The following RGL1 variants were observed in gnomAD, a reference collection of about 807,000 sequenced individuals.
RGL1 encodes ral guanine nucleotide dissociation stimulator-like 1.
A neutral mutation model predicts 95.2 loss-of-function variants in RGL1; 24 were observed. That is an observed-to-expected ratio of 0.25 (90% CI 0.18 to 0.35). The LOEUF is 0.35. RGL1 is among the 10% of genes least tolerant of loss of function. The probability of loss-of-function intolerance (pLI) is 1.00; values close to 1 mark genes in which losing one functional copy is unlikely to be tolerated. For synonymous variants in RGL1, 329 were observed against 344.9 expected, an observed-to-expected ratio of 0.95 and a Z score of 0.51; for missense variants, 715 against 936.3, an observed-to-expected ratio of 0.76 and a Z score of 3.08.
At chr1:183,812,654 C>T (rs928531340) in intron 2 of RGL1, among the ~76,000 whole-genome samples, 57 of 152,210 alleles carry the variant, frequency 3.7e-4, no homozygotes, top group African/African-American at 1.4e-3. Context: ...GAATCAGGGG[C>T]ATTTAAATCA....
In RGL1 at chr1:183,855,139, C is replaced by T. The variant is rs533681047; in HGVS notation, c.347+7365C>T. Among the ~76,000 whole-genome samples, 5 of 152,240 alleles carry T rather than the reference C, an allele frequency of 3.3e-5. No homozygotes were observed. In the South Asian group the frequency reaches 1.0e-3, roughly 32 times the overall value. On this transcript the variant is annotated intron_variant, in intron 3 of 17. Transcript: ENST00000360851. ...TGGTTATCATTATTCATGCCTTTTC[C>T]AAGCAGGTGTTTTGGAAGGTCCAGC... is the stretch of plus-strand genomic sequence containing the variant.
intron 2 of RGL1, among the ~76,000 whole-genome samples, chr1:183,791,693 T>C (rs556857538): frequency 1.3e-5 from 2 of 152,350 alleles, no homozygotes; most frequent in South Asian, 2.1e-4. Flanking sequence ...ATATGCAGCA[T>C]CTTTTGATAA....
intron 3 of RGL1, among the ~76,000 whole-genome samples, chr1:183,863,205 T>C (rs903060106): frequency 6.6e-6 from 1 of 151,970 alleles, no homozygotes; most frequent in Non-Finnish European, 1.5e-5. Context: ...TGGGAGGAGG[T>C]CTCTGCAGAT....
chr1:183,762,016 G>T (rs1303099547), intron 2 of RGL1, among the ~76,000 whole-genome samples: 1 of 152,192 alleles, frequency 6.6e-6, no homozygotes, highest in African/African-American at 2.4e-5. Flanking sequence ...TCTGGATTAG[G>T]CCTTGTTAAA....
chr1:183,761,389 G>C (rs751445411), intron 2 of RGL1, among the ~76,000 whole-genome samples: 5 of 152,166 alleles, frequency 3.3e-5, no homozygotes, highest in Non-Finnish European at 7.4e-5. Flanking sequence ...CACATCTCTG[G>C]CTCTTGGGTG....
intron 13 of RGL1, among the ~76,000 whole-genome samples, chr1:183,906,799 G>C (rs1413107700): frequency 2.0e-5 from 3 of 152,192 alleles, no homozygotes; most frequent in African/African-American, 7.2e-5. Flanking sequence ...CCATATGCCA[G>C]TGGAGGTGAG....
chr1:183,776,437 C>T (rs1160219233), intron 2 of RGL1, among the ~76,000 whole-genome samples: 14 of 151,976 alleles, frequency 9.2e-5, no homozygotes, highest in Admixed American at 7.9e-4. Context: ...CGTGAGCCAC[C>T]GCGCCCGGCC....
intron 15 of RGL1, among the ~76,000 whole-genome samples, chr1:183,914,581 C>G (rs1668850386): frequency 6.6e-6 from 1 of 152,164 alleles, no homozygotes; most frequent in African/African-American, 2.4e-5. Context: ...GTCATTCTTC[C>G]TTTTCCACAG....
At position 183,755,944 on chromosome 1, in the gene RGL1, C is replaced by T. The variant is rs559733541; in HGVS notation, c.132+13655C>T. ...TGTTGCCCAGGCTGGAGTGCAATGG[C>T]GCAATCTCGGCTCACTGCAACCTCT... On this transcript the variant is annotated intron_variant, in intron 2 of 18. Coordinates refer to the RGL1 transcript ENST00000304685. 1.1e-4 allele frequency among the ~76,000 whole-genome samples: 16 copies of T among 147,592 alleles called. No homozygotes were observed. In the South Asian group the frequency reaches 1.7e-3, roughly 16 times the overall value.
At chr1:183,716,809 T>C (rs1655650994) in intron 1 of RGL1, among the ~76,000 whole-genome samples, 1 of 152,232 alleles carries the variant, frequency 6.6e-6, no homozygotes, top group South Asian at 2.1e-4. Flanking sequence ...GCTCTAGAAT[T>C]CTGTGTCTCT....
intron 15 of RGL1, among the ~76,000 whole-genome samples, chr1:183,915,152 A>G (rs1431500474): frequency 1.3e-5 from 2 of 152,248 alleles, no homozygotes; most frequent in African/African-American, 4.8e-5. Flanking sequence ...GGAAATCTAC[A>G]GGAAATAAGA....
chr1:183,782,667 A>G (rs1481272167), intron 2 of RGL1, among the ~76,000 whole-genome samples: 1 of 152,210 alleles, frequency 6.6e-6, no homozygotes, highest in Non-Finnish European at 1.5e-5. Flanking sequence ...TGGGTGGATT[A>G]TAATTATTTT....
At chr1:183,876,664 T>G (rs1666514772) in intron 4 of RGL1, among the ~76,000 whole-genome samples, 1 of 152,250 alleles carries the variant, frequency 6.6e-6, no homozygotes. Context: ...TACAGTTTGA[T>G]GTCTTTGATT....
At chr1:183,812,867 G>C (rs1465589947) in intron 2 of RGL1, among the ~76,000 whole-genome samples, 1 of 152,200 alleles carries the variant, frequency 6.6e-6, no homozygotes, top group Non-Finnish European at 1.5e-5. Context: ...AGAGATAAGG[G>C]AACCCGGTGG....
intron 2 of RGL1, among the ~76,000 whole-genome samples, chr1:183,792,700 C>CA (rs1364933094): frequency 6.6e-6 from 1 of 151,954 alleles, no homozygotes; most frequent in African/African-American, 2.4e-5. Flanking sequence ...AAAGCAACCC[C>CA]ATTTATGATA....
chr1:183,815,997 A>AT (rs1282587930), intron 2 of RGL1, among the ~76,000 whole-genome samples: 1 of 152,166 alleles, frequency 6.6e-6, no homozygotes, highest in Non-Finnish European at 1.5e-5. Context: ...AGGACATGTC[A>AT]TTAACATCCC....
At chr1:183,815,143 A>C (rs1307585381) in intron 2 of RGL1, among the ~76,000 whole-genome samples, 2 of 152,136 alleles carry the variant, frequency 1.3e-5, no homozygotes, top group African/African-American at 2.4e-5. Context: ...GCATGGTGGC[A>C]TGTGCCTGTA....
intron 1 of RGL1, among the ~76,000 whole-genome samples, chr1:183,657,063 A>G (rs1190946287): frequency 6.6e-6 from 1 of 151,196 alleles, no homozygotes; most frequent in Non-Finnish European, 1.5e-5. Context: ...TTGTAGTTCC[A>G]TATGAATTTT....
intron 2 of RGL1, among the ~76,000 whole-genome samples, chr1:183,759,655 C>T (rs1254710509): frequency 1.3e-5 from 2 of 152,196 alleles, no homozygotes; most frequent in Non-Finnish European, 2.9e-5. Flanking sequence ...GGGACACATA[C>T]CTCTAGTCAG....
Sources: allele counts gnomAD v4.1 joint callset (sites outside exome capture counted in the v4.1 genomes callset), GRCh38; gene constraint gnomAD v4.1.1; transcripts MANE v1.5; gene names NCBI Gene and HGNC (gene_info 2026-07-23, HGNC 2026-07-21).